The following ABCG8 variants were observed in gnomAD, a reference collection of about 807,000 sequenced individuals.
ABCG8 encodes ATP binding cassette subfamily G member 8.
In ABCG8, 81 loss-of-function variants were observed where a neutral mutation model predicts 71.3. The ratio of observed to expected loss-of-function variants is 1.14; its 90% CI spans 0.95 to 1.37. The LOEUF is 1.37. Ranked by LOEUF, ABCG8 falls within the 40% of genes most tolerant of loss-of-function variation. ABCG8 has a pLI of 0.00. For missense variants in ABCG8, 1,119 were observed against 866.2 expected (o/e 1.29, Z -3.66); for synonymous variants, 451 against 354.7 (o/e 1.27, Z -3.05).
chr2:43,873,737 G>C, intron 8 of ABCG8, 50 bp from the exon 9 acceptor site: 1 of 1,584,698 alleles, frequency 6.3e-7, no homozygotes, highest in South Asian at 1.1e-5. Context: ...CCAGGGTCAC[G>C]GGGCTGGTGT....
At chr2:43,846,610 C>T in intron 3 of ABCG8, 1 of 411,824 alleles carries the variant, frequency 2.4e-6, no homozygotes, top group Non-Finnish European at 4.6e-6. Flanking sequence ...GCAAACAGCT[C>T]CAGCATGTAA....
chr2:43,870,755 C>T lies in ABCG8; in HGVS notation c.965-1221C>T, dbSNP rs566913281. Among the ~76,000 whole-genome samples the T allele has an allele frequency of 2.5e-4, 38 of 149,938 alleles. 1 individual carries two copies. The South Asian group carries it at 8.1e-3, about 32-fold the overall frequency. On this transcript the variant is annotated intron_variant, in intron 6 of 12. Coordinates refer to ENST00000272286, the MANE Select transcript of ABCG8 (RefSeq NM_022437.3). The stretch of plus-strand genomic sequence containing the variant: ...ATCCTCACTCTTTGGATAGAACTCT[C>T]ATTTTCTGTCTGGATAGAATTTTCA...
intron 6 of ABCG8, among the ~76,000 whole-genome samples, chr2:43,870,477 C>G (rs1290862911): frequency 6.6e-6 from 1 of 152,028 alleles, no homozygotes; most frequent in Non-Finnish European, 1.5e-5. Context: ...GGGTAGTATT[C>G]TCACTCTCTG....
chr2:43,854,363 C>T (rs1163657450), intron 6 of ABCG8, among the ~76,000 whole-genome samples: 1 of 152,170 alleles, frequency 6.6e-6, no homozygotes, highest in Non-Finnish European at 1.5e-5. Flanking sequence ...TGCAGTGGCT[C>T]ATGCCTGTAA....
At chr2:43,855,868 G>T (rs1216488588) in intron 6 of ABCG8, among the ~76,000 whole-genome samples, 3 of 151,780 alleles carry the variant, frequency 2.0e-5, no homozygotes, top group Admixed American at 1.3e-4. Context: ...CTCACTCACT[G>T]TATAGAACTC....
At chr2:43,839,350 T>C (rs1668477256) in intron 1 of ABCG8, among the ~76,000 whole-genome samples, 1 of 151,254 alleles carries the variant, frequency 6.6e-6, no homozygotes, top group South Asian at 2.1e-4. Flanking sequence ...AGGGAAATGA[T>C]GTTCTTTTGT....
chr2:43,850,772 GCATGGTAGCGC>G (rs928137426), intron 3 of ABCG8, among the ~76,000 whole-genome samples: 3 of 152,122 alleles, frequency 2.0e-5, no homozygotes, highest in African/African-American at 7.2e-5. Flanking sequence ...AATTAGCCGG[GCATGGTAGCGC>G]CTGTAATCCC....
At chr2:43,844,446 G>C in intron 1 of ABCG8, 61 bp from the exon 2 acceptor site, 2 of 1,401,206 alleles carry the variant, frequency 1.4e-6, no homozygotes, top group East Asian at 2.3e-5. Context: ...TTTCCTTCTT[G>C]TCTTCTCCTA....
intron 1 of ABCG8, among the ~76,000 whole-genome samples, chr2:43,842,123 A>G (rs1469990814): frequency 1.3e-5 from 2 of 151,526 alleles, no homozygotes; most frequent in Non-Finnish European, 2.9e-5. Context: ...TCCTGCCTCA[A>G]CCTCTTGAGT....
At chr2:43,867,990 G>C (rs552635514) in intron 6 of ABCG8, among the ~76,000 whole-genome samples, 1 of 145,628 alleles carries the variant, frequency 6.9e-6, no homozygotes, top group African/African-American at 2.6e-5. Flanking sequence ...TGGATAGAAT[G>C]CTCACTCTCT....
At chr2:43,861,145 G>A (rs1207802290) in intron 6 of ABCG8, among the ~76,000 whole-genome samples, 2 of 151,082 alleles carry the variant, frequency 1.3e-5, no homozygotes, top group African/African-American at 4.8e-5. Flanking sequence ...TGTCTACATA[G>A]AGCTCTCGCT....
rs1343828672 is a variant in ABCG8 at position 43,838,978 on chromosome 2, G to A, written c.-76G>A. 2.0e-6 allele frequency: 3 copies of A among 1,464,732 alleles called. No individual in the cohort carries two copies. In the Admixed American group the frequency reaches 5.9e-5, roughly 29 times the overall value. The allele number at this position is 1,464,732 out of a possible 1,614,324, so 90.7% of individuals were successfully genotyped here. On this transcript the variant is annotated 5_prime_UTR_variant, in exon 1 of 13. In the 5' UTR this introduces an upstream ATG that the reference lacks. Coordinates refer to ENST00000272286, the MANE Select transcript of ABCG8 (RefSeq NM_022437.3). The surrounding 1 kb of genome is among the most constrained non-coding windows in gnomAD (Gnocchi z 4.2). ...AGGTGTCCCTGCTCCAGGAAACAGAGTGAAGACACTGGCCCTGGCAGGCAG... is the reference window on the plus strand; with the variant it reads ...AGGTGTCCCTGCTCCAGGAAACAGAATGAAGACACTGGCCCTGGCAGGCAG...
chr2:43,868,411 T>G (rs1669611999), intron 6 of ABCG8, among the ~76,000 whole-genome samples: 4 of 151,184 alleles, frequency 2.6e-5, no homozygotes, highest in Non-Finnish European at 5.9e-5. Flanking sequence ...TCTCACTATC[T>G]TTCTCGATAG....
intron 6 of ABCG8, among the ~76,000 whole-genome samples, chr2:43,869,852 A>G (rs1262086073): frequency 6.6e-6 from 1 of 151,674 alleles, no homozygotes; most frequent in South Asian, 2.1e-4. Flanking sequence ...TCTGGATGGA[A>G]CTCTCACTAT....
rs750352877 is a variant in ABCG8 at position 43,851,740 on chromosome 2, A to T, written c.479A>T (p.Asn160Ile). ...CGCCAGCACAACCAGCTGCTCCCCA[A>T]CTTGACTGTGCGAGAGACCTTGGCC... The part of the protein sequence containing the change: ...HVRQHNQLLP[N>I]LTVRETLAFI... The change falls in exon 4 of 13, where the codon AAC becomes ATC. Residue 160 changes from asparagine to isoleucine, a missense_variant. By Grantham distance (149) the Asn-to-Ile change is moderately radical (BLOSUM62 -3). Coordinates refer to ENST00000272286, the MANE Select transcript of ABCG8 (RefSeq NM_022437.3). 2 of 1,614,218 alleles carry T rather than the reference A, an allele frequency of 1.2e-6. No individual in the cohort carries two copies. Among genetic ancestry groups the T allele is most frequent in the Non-Finnish European group, 1.7e-6 (2 of 1,180,028 alleles).
chr2:43,845,031 C>A (rs892955298), intron 2 of ABCG8, among the ~76,000 whole-genome samples: 1 of 150,342 alleles, frequency 6.7e-6, no homozygotes, highest in African/African-American at 2.4e-5. Context: ...GAACAATGTA[C>A]AATGCTATTA....
intron 3 of ABCG8, among the ~76,000 whole-genome samples, chr2:43,849,346 G>A (rs1668842382): frequency 6.6e-6 from 1 of 152,186 alleles, no homozygotes; most frequent in Non-Finnish European, 1.5e-5. Context: ...AGGCAAAGGG[G>A]AAGCAAGGTA....
intron 8 of ABCG8, among the ~76,000 whole-genome samples, chr2:43,873,188 C>A (rs958235636): frequency 5.7e-5 from 8 of 140,424 alleles, no homozygotes; most frequent in African/African-American, 2.2e-4. Flanking sequence ...ATTGAGCGTA[C>A]ATTTTTTTTT....
At chr2:43,863,273 A>G (rs1322433225) in intron 6 of ABCG8, among the ~76,000 whole-genome samples, 2 of 134,902 alleles carry the variant, frequency 1.5e-5, no homozygotes, top group Non-Finnish European at 3.3e-5. Flanking sequence ...TTCTCACTAT[A>G]TACCTAGATA....
Sources: allele counts gnomAD v4.1 joint callset (sites outside exome capture counted in the v4.1 genomes callset), GRCh38; gene constraint gnomAD v4.1.1; non-coding constraint Gnocchi (gnomAD v3.1); transcripts MANE v1.5; gene names NCBI Gene and HGNC (gene_info 2026-07-23, HGNC 2026-07-21).